The following STPG4 variants were observed in gnomAD, a reference collection of about 807,000 sequenced individuals.
STPG4 encodes the protein protein STPG4.
A neutral mutation model predicts 31.5 loss-of-function variants in STPG4; 41 were observed. That is an observed-to-expected ratio of 1.30 (90% CI 1.01 to 1.69). The LOEUF (loss-of-function observed/expected upper bound fraction) is 1.69, where lower values mean the gene tolerates loss of function less well. Ranked by LOEUF, STPG4 falls within the 40% of genes most tolerant of loss-of-function variation. STPG4 has a pLI of 0.00. For synonymous variants in STPG4, 141 were observed against 103.0 expected, an observed-to-expected ratio of 1.37 and a Z score of -2.24; for missense variants, 375 against 293.4, an observed-to-expected ratio of 1.28 and a Z score of -2.03.
chr2:47,144,776 G>C (rs954081701), intron 3 of STPG4, among the ~76,000 whole-genome samples: 1 of 152,042 alleles, frequency 6.6e-6, no homozygotes, highest in Non-Finnish European at 1.5e-5. Flanking sequence ...TGTCGCCCAG[G>C]CTGGAGTGCA....
intron 3 of STPG4, among the ~76,000 whole-genome samples, chr2:47,143,746 C>A (rs890477662): frequency 1.4e-4 from 22 of 152,172 alleles, no homozygotes; most frequent in Admixed American, 1.3e-3. Context: ...CCTCGGCCTC[C>A]CAAAGTGCTG....
intron 3 of STPG4, among the ~76,000 whole-genome samples, chr2:47,149,917 C>A (rs974303222): frequency 6.6e-6 from 1 of 152,172 alleles, no homozygotes; most frequent in Non-Finnish European, 1.5e-5. Flanking sequence ...CCTTTGGATT[C>A]CATCTACCCA....
intron 5 of STPG4, among the ~76,000 whole-genome samples, chr2:47,093,746 AAAG>A: frequency 6.6e-6 from 1 of 152,360 alleles, no homozygotes; most frequent in Middle Eastern, 3.4e-3. Flanking sequence ...TGTGCTGCAG[AAAG>A]AAGTTACTGA....
intron 3 of STPG4, among the ~76,000 whole-genome samples, chr2:47,147,127 TTAAATAAA>T: frequency 6.6e-6 from 1 of 152,014 alleles, no homozygotes; most frequent in Non-Finnish European, 1.5e-5. Flanking sequence ...TGACAGTGTC[TTAAATAAA>T]TAAATAAATA....
At chr2:47,091,647 A>G (rs1238580562) in intron 5 of STPG4, among the ~76,000 whole-genome samples, 1 of 152,192 alleles carries the variant, frequency 6.6e-6, no homozygotes, top group African/African-American at 2.4e-5. Context: ...TATTAACCCA[A>G]AACACTGGCC....
chr2:47,143,394 C>T (rs1223525696), intron 3 of STPG4, among the ~76,000 whole-genome samples: 1 of 151,942 alleles, frequency 6.6e-6, no homozygotes, highest in Non-Finnish European at 1.5e-5. Flanking sequence ...ACTATTATTC[C>T]TCTGTAATTA....
At chr2:47,139,276 A>C (rs1257895927) in intron 3 of STPG4, among the ~76,000 whole-genome samples, 1 of 152,226 alleles carries the variant, frequency 6.6e-6, no homozygotes, top group African/African-American at 2.4e-5. Flanking sequence ...AGGCACATAC[A>C]CATTGCCAAA....
At chr2:47,094,835 C>T (rs563870061) in intron 5 of STPG4, among the ~76,000 whole-genome samples, 98 of 152,320 alleles carry the variant, frequency 6.4e-4, no homozygotes, top group African/African-American at 2.3e-3. Context: ...AGAAGCCTGG[C>T]TTATTGGTTC....
intron 3 of STPG4, among the ~76,000 whole-genome samples, chr2:47,144,455 A>T (rs1313461868): frequency 6.6e-6 from 1 of 152,182 alleles, no homozygotes; most frequent in Non-Finnish European, 1.5e-5. Flanking sequence ...CTGAGGCAGG[A>T]GGAGGACTGC....
chr2:47,097,570 T>A (rs1685698089), intron 5 of STPG4, among the ~76,000 whole-genome samples: 1 of 152,142 alleles, frequency 6.6e-6, no homozygotes, highest in African/African-American at 2.4e-5. Context: ...TCTAGCTGCA[T>A]CCTCTTATGG....
chr2:47,090,181 C>A, intron 6 of STPG4, 89 bp downstream of exon 6: 1 of 847,230 alleles, frequency 1.2e-6, no homozygotes, highest in Admixed American at 2.2e-5. Context: ...ACCACCACCC[C>A]GCACCTCCTA....
At position 47,146,341 on chromosome 2, in the gene STPG4, C is replaced by T. The variant is rs187618842; in HGVS notation, c.399+4917G>A. 3.3e-5 allele frequency among the ~76,000 whole-genome samples: 5 copies of T among 152,086 alleles called. No homozygotes were observed. The East Asian group carries it at 7.7e-4, about 23-fold the overall frequency. ...TGCTACAATGCACAGAACAGCCCCC[C>T]GCCCCACCCAACCACAACAAAGATT... On this transcript the variant is annotated intron_variant, in intron 3 of 6. Coordinates refer to ENST00000445927, the MANE Select transcript of STPG4 (RefSeq NM_001163561.2).
At chr2:47,110,187 G>C (rs1224893519) in intron 5 of STPG4, among the ~76,000 whole-genome samples, 3 of 152,192 alleles carry the variant, frequency 2.0e-5, no homozygotes, top group Non-Finnish European at 2.9e-5. Flanking sequence ...GAATGACTGA[G>C]TCCTAATTAA....
At chr2:47,147,114 C>A (rs187686609) in intron 3 of STPG4, among the ~76,000 whole-genome samples, 2 of 151,888 alleles carry the variant, frequency 1.3e-5, no homozygotes, top group Non-Finnish European at 2.9e-5. Flanking sequence ...ACTGTAGCCT[C>A]GGTGACAGTG....
chr2:47,138,628 C>T (rs1049193530), intron 3 of STPG4, among the ~76,000 whole-genome samples: 1 of 152,152 alleles, frequency 6.6e-6, no homozygotes, highest in African/African-American at 2.4e-5. Flanking sequence ...CAGCTCACTG[C>T]AACCTCTGAC....
chr2:47,106,420 G>T (rs1476913950), intron 5 of STPG4, among the ~76,000 whole-genome samples: 1 of 151,924 alleles, frequency 6.6e-6, no homozygotes, highest in African/African-American at 2.4e-5. Flanking sequence ...AATGGCTGCT[G>T]CTACAGGAAC....
chr2:47,102,414 T>A (rs1016071669), intron 5 of STPG4, among the ~76,000 whole-genome samples: 14 of 151,854 alleles, frequency 9.2e-5, no homozygotes, highest in Non-Finnish European at 1.9e-4. Flanking sequence ...GCACTACGGC[T>A]TGGCCCCAGT....
At chr2:47,120,936 G>C (rs1030605591) in intron 5 of STPG4, 1 of 152,316 alleles carries the variant, frequency 6.6e-6, no homozygotes, top group African/African-American at 2.4e-5. Flanking sequence ...AAAGAGCCAA[G>C]AGAGAGACAG....
intron 5 of STPG4, among the ~76,000 whole-genome samples, chr2:47,120,241 G>A (rs145120103): frequency 4.3e-4 from 66 of 152,322 alleles, no homozygotes; most frequent in Middle Eastern, 6.8e-3. Flanking sequence ...TGAGGCAGGA[G>A]AATCACTTGA....
Sources: gnomAD v4.1 joint callset for allele counts (sites outside exome capture counted in the v4.1 genomes callset) on GRCh38, gnomAD v4.1.1 for gene constraint, MANE v1.5 for transcripts, NCBI Gene and HGNC (gene_info 2026-07-23, HGNC 2026-07-21) for gene names.